ANKS1B: variants seen among roughly 807,000 people sequenced by gnomAD.
The protein encoded by ANKS1B is ankyrin repeat and sterile alpha motif domain containing 1B.
A neutral mutation model predicts 148.3 loss-of-function variants in ANKS1B; 36 were observed. That is an observed-to-expected ratio of 0.24 (90% CI 0.19 to 0.32). ANKS1B has a LOEUF of 0.32. Ranked by LOEUF, ANKS1B falls within the 10% of genes least tolerant of loss-of-function variation. The pLI, the probability that ANKS1B is intolerant of heterozygous loss-of-function variation, is 1.00. For synonymous variants in ANKS1B, 542 were observed against 560.8 expected (o/e 0.97, Z 0.47); for missense variants, 1,157 against 1,542.6 (o/e 0.75, Z 4.19).
chr12:98,802,552 ATGATAAAAAGCC>A (rs1434171993), intron 20 of ANKS1B, among the ~76,000 whole-genome samples: 7 of 145,008 alleles, frequency 4.8e-5, no homozygotes, highest in Non-Finnish European at 1.1e-4. Flanking sequence ...GTAGCTGCCA[ATGATAAAAAGCC>A]CTTTCTAGAG....
downstream of ANKS1B, among the ~76,000 whole-genome samples, chr12:98,740,738 T>TAACA (rs970197363): frequency 6.6e-6 from 1 of 152,206 alleles, no homozygotes; most frequent in African/African-American, 2.4e-5. Flanking sequence ...CAGCTAAAAC[T>TAACA]AACAATTGCA....
chr12:99,020,964 T>C (rs1205173146), intron 17 of ANKS1B, among the ~76,000 whole-genome samples: 2 of 152,116 alleles, frequency 1.3e-5, no homozygotes, highest in East Asian at 3.8e-4. Context: ...TACTTAACAG[T>C]GGCATGTTCA....
At chr12:99,333,115 T>C (rs577365724) in intron 12 of ANKS1B, among the ~76,000 whole-genome samples, 1 of 152,168 alleles carries the variant, frequency 6.6e-6, no homozygotes, top group East Asian at 1.9e-4. Context: ...AAGCACAAAG[T>C]ACACAGAGAA....
intron 11 of ANKS1B, among the ~76,000 whole-genome samples, chr12:99,442,703 A>T (rs531689816): frequency 1.4e-3 from 219 of 152,120 alleles, no homozygotes; most frequent in Non-Finnish European, 2.5e-3. Context: ...ATGAGGATGA[A>T]GATTATAATA....
chr12:99,958,064 T>C (rs1017442190), intron 1 of ANKS1B, among the ~76,000 whole-genome samples: 2 of 152,232 alleles, frequency 1.3e-5, no homozygotes, highest in Middle Eastern at 3.4e-3. Context: ...GGAAGCACCA[T>C]AGAGAGAGAT....
chr12:99,558,767 A>G (rs1214196592), intron 9 of ANKS1B, among the ~76,000 whole-genome samples: 1 of 152,208 alleles, frequency 6.6e-6, no homozygotes. Flanking sequence ...ACCCTGCTCT[A>G]TCCAGGTCTA....
intron 9 of ANKS1B, among the ~76,000 whole-genome samples, chr12:99,525,958 T>C (rs571451148): frequency 5.7e-4 from 87 of 152,094 alleles, no homozygotes; most frequent in Non-Finnish European, 9.7e-4. Context: ...TATATAAAGA[T>C]AATAATAAAT....
At chr12:99,293,999 G>A (rs767746748) in intron 12 of ANKS1B, among the ~76,000 whole-genome samples, 2 of 152,194 alleles carry the variant, frequency 1.3e-5, no homozygotes, top group Non-Finnish European at 2.9e-5. Flanking sequence ...CAGTTTAAAT[G>A]ATGTTTATCC....
chr12:99,772,799 T>C, intron 8 of ANKS1B, 123 bp downstream of exon 8: 1 of 1,028,736 alleles, frequency 9.7e-7, no homozygotes, highest in Non-Finnish European at 1.3e-6. Context: ...AAAAGAGCAA[T>C]AAGGAAACTG....
chr12:99,049,852 G>A (rs563069371), intron 17 of ANKS1B, among the ~76,000 whole-genome samples: 112 of 152,280 alleles, frequency 7.4e-4, no homozygotes, highest in African/African-American at 2.4e-3. Context: ...TGACGCTGAA[G>A]TTATTTGTAA....
At chr12:98,781,340 A>T (rs1056093182) in intron 23 of ANKS1B, 137 bp from the exon 24 acceptor site, 2 of 685,202 alleles carry the variant, frequency 2.9e-6, no homozygotes, top group African/African-American at 3.6e-5. Context: ...ACACACACAC[A>T]CATCAGATAC....
At chr12:99,641,460 G>T (rs1461491509) in intron 9 of ANKS1B, among the ~76,000 whole-genome samples, 1 of 152,112 alleles carries the variant, frequency 6.6e-6, no homozygotes, top group East Asian at 1.9e-4. Flanking sequence ...TTATAAACAG[G>T]TATGAGGAGG....
chr12:99,334,539 A>G (rs1444354693), intron 12 of ANKS1B, among the ~76,000 whole-genome samples: 2 of 152,058 alleles, frequency 1.3e-5, no homozygotes, highest in Non-Finnish European at 2.9e-5. Context: ...ATAAAAATAT[A>G]CCATACACAA....
At chr12:99,529,735 C>T (rs1206346633) in intron 9 of ANKS1B, among the ~76,000 whole-genome samples, 1 of 148,032 alleles carries the variant, frequency 6.8e-6, no homozygotes, top group Non-Finnish European at 1.5e-5. Context: ...CACTATTTTT[C>T]TACGTCCATA....
At chr12:99,140,119 T>C (rs1202815041) in intron 15 of ANKS1B, among the ~76,000 whole-genome samples, 1 of 152,166 alleles carries the variant, frequency 6.6e-6, no homozygotes, top group Non-Finnish European at 1.5e-5. Flanking sequence ...GGGAACATTT[T>C]ATAATAAGTG....
rs142372324 is a variant in ANKS1B, at chr12:99,317,289, C to A, written c.1757-70425G>T. Reference sequence around the variant, plus strand: ...GGCCATTTTCACGATATTGATTCTTCCTATCTGTGAGCATGGAATGTTCTT... The same window carrying A: ...GGCCATTTTCACGATATTGATTCTTACTATCTGTGAGCATGGAATGTTCTT... On this transcript the variant is annotated intron_variant, in intron 12 of 26. Coordinates refer to ENST00000683438, the MANE Select transcript of ANKS1B (RefSeq NM_001352186.2). Among the ~76,000 whole-genome samples the A allele has an allele frequency of 9.9e-4, 150 of 152,234 alleles. No homozygotes were observed. The Middle Eastern group carries it at 0.01, about 10-fold the overall frequency.
chr12:99,370,237 T>C (rs980016476), intron 12 of ANKS1B, among the ~76,000 whole-genome samples: 4 of 152,036 alleles, frequency 2.6e-5, no homozygotes, highest in African/African-American at 9.7e-5. Context: ...AACAACAAAG[T>C]TGATTAGACA....
chr12:99,689,298 A>G (rs2098666589), intron 8 of ANKS1B, among the ~76,000 whole-genome samples: 1 of 152,236 alleles, frequency 6.6e-6, no homozygotes, highest in Admixed American at 6.5e-5. Context: ...TTAAGATGAA[A>G]CCAGGCTAAC....
At chr12:99,059,078 C>T (rs556992107) in intron 16 of ANKS1B, among the ~76,000 whole-genome samples, 3 of 152,302 alleles carry the variant, frequency 2.0e-5, no homozygotes, top group Non-Finnish European at 4.4e-5. Context: ...AACGTTACCT[C>T]CTGTGTGAAT....
Sources: allele counts gnomAD v4.1 joint callset (sites outside exome capture counted in the v4.1 genomes callset), GRCh38; gene constraint gnomAD v4.1.1; transcripts MANE v1.5; gene names NCBI Gene and HGNC (gene_info 2026-07-23, HGNC 2026-07-21).